The following RHOXF1 variants were observed in gnomAD, a reference collection of about 807,000 sequenced individuals.
The protein encoded by RHOXF1 is PEPP subfamily gene 1.
In RHOXF1, 1 loss-of-function variant was observed where a neutral mutation model predicts 9.7. That is an observed-to-expected ratio of 0.10 (90% CI 0.04 to 0.49). The LOEUF is 0.49. Among genes scored for constraint, RHOXF1 ranks in the 20% least tolerant of loss-of-function variants. The pLI is 0.95. For synonymous variants in RHOXF1, 72 were observed against 70.2 expected (o/e 1.03, Z -0.13); for missense variants, 179 against 168.0 (o/e 1.07, Z -0.36).
In RHOXF1 at chrX:120,115,612, G is replaced by A. The variant is rs781996156; in HGVS notation, c.251C>T (p.Pro84Leu). Residue 84 changes from proline (P) to leucine (L), a missense_variant, in exon 1 of 3, where the codon CCG (proline) becomes CTG (leucine). Transcript: ENST00000217999. ...GGCCGCCTGGGCCGGCTCCTCCGGCGGGGGCTGCGGCTGCTGCCGAGGCTC... is the reference window on the plus strand; with the variant it reads ...GGCCGCCTGGGCCGGCTCCTCCGGCAGGGGCTGCGGCTGCTGCCGAGGCTC... ...NQEPRQQPQP[P>L]PEEPAQAAME... is the part of the protein sequence containing the mutation. The A allele has an allele frequency of 3.4e-6, 4 of 1,165,682 alleles. No homozygotes were observed. The highest frequency in any genetic ancestry group is 2.5e-5 in the Admixed American group (1 of 39,983).
At chrX:120,109,701 C>T (rs1182784929) in intron 2 of RHOXF1, among the ~76,000 whole-genome samples, 1 of 109,586 alleles carries the variant, frequency 9.1e-6, no homozygotes, top group Non-Finnish European at 1.9e-5. Flanking sequence ...ATCCTCCCAC[C>T]TCACCCTCCC....
chrX:120,113,098 C>T (rs2057277826), intron 1 of RHOXF1, among the ~76,000 whole-genome samples, 184 bp from the exon 2 acceptor site: 1 of 111,571 alleles, frequency 9.0e-6, no homozygotes, highest in Admixed American at 9.6e-5. Context: ...ACCCTCATCA[C>T]GAAATTTAAG....
rs2147140106 is a variant in RHOXF1 at position 120,115,879 on chromosome X, C to T, written c.-17G>A. The T allele has an allele frequency of 1.7e-6, 2 of 1,151,188 alleles. No homozygotes were observed. The highest frequency in any genetic ancestry group is 2.3e-6 in the Non-Finnish European group (2 of 871,553). The allele number at this position is 1,151,188 out of a possible 1,213,427, so 94.9% of individuals were successfully genotyped here. Reference sequence around the variant, plus strand: ...ACGCGCCATGGCTGGAGCGCTGCGCCCCTGCACAAACTCCGTGGCGTCTGC... The same window carrying T: ...ACGCGCCATGGCTGGAGCGCTGCGCTCCTGCACAAACTCCGTGGCGTCTGC... On this transcript the variant is annotated 5_prime_UTR_variant, in exon 1 of 3. Coordinates refer to ENST00000217999, the MANE Select transcript of RHOXF1 (RefSeq NM_139282.3).
chrX:120,111,815 A>G (rs1215789396), intron 2 of RHOXF1, among the ~76,000 whole-genome samples: 2 of 111,988 alleles, frequency 1.8e-5, no homozygotes, highest in Non-Finnish European at 3.8e-5. Flanking sequence ...TTTTGACCAT[A>G]TTTCTCTCTA....
At chrX:120,117,027 C>G (rs1340025720), upstream of RHOXF1, among the ~76,000 whole-genome samples, 2 of 111,450 alleles carry the variant, frequency 1.8e-5, no homozygotes, top group African/African-American at 6.5e-5. Context: ...TGTGGGGCCA[C>G]TTCTGCTCCA....
chrX:120,111,874 T>G, intron 2 of RHOXF1, among the ~76,000 whole-genome samples: 1 of 112,297 alleles, frequency 8.9e-6, no homozygotes, highest in Middle Eastern at 4.6e-3. Flanking sequence ...TATTACTCAT[T>G]TTGTTTGCTT....
chrX:120,111,789 G>A (rs1424011091), intron 2 of RHOXF1, among the ~76,000 whole-genome samples: 5 of 111,920 alleles, frequency 4.5e-5, no homozygotes, highest in Non-Finnish European at 3.8e-5. Context: ...TACATGCATA[G>A]TATGTGCAAA....
Position 120,112,496 on chromosome X carries a change from C to CATATATGTGTATTATATATTAT in RHOXF1, c.444+372_444+373insATAATATATAATACACATATAT, listed in dbSNP as rs2057273091. 5.3e-3 allele frequency among the ~76,000 whole-genome samples: 383 copies of CATATATGTGTATTATATATTAT among 72,830 alleles called. 17 individuals are homozygous for CATATATGTGTATTATATATTAT. The highest frequency in any genetic ancestry group is 0.018 in the African/African-American group (338 of 18,515). The allele number at this position is 72,830 out of a possible 115,157, so 63.2% of individuals were successfully genotyped here. A position where few individuals can be genotyped will look rare whatever the true frequency, so the allele number is the denominator to read the frequency against. On this transcript the variant is annotated intron_variant, in intron 2 of 2. Coordinates refer to ENST00000217999, the MANE Select transcript of RHOXF1 (RefSeq NM_139282.3). ...ACACATATATGTGTTATATATAATACACATATATGTATTATATATAATACA... is the reference window on the plus strand; with the variant it reads ...ACACATATATGTGTTATATATAATACATATATGTGTATTATATATTATACATATATGTATTATATATAATACA...
chrX:120,111,338 C>T (rs782446934), intron 2 of RHOXF1, among the ~76,000 whole-genome samples: 4 of 111,808 alleles, frequency 3.6e-5, no homozygotes, highest in Non-Finnish European at 7.5e-5. Flanking sequence ...CATTAGGATG[C>T]CAGCACTCAG....
upstream of RHOXF1, among the ~76,000 whole-genome samples, chrX:120,116,803 GA>G (rs1413197235): frequency 1.8e-5 from 2 of 111,415 alleles, no homozygotes; most frequent in African/African-American, 6.5e-5. Context: ...GAATAAACAC[GA>G]GGCTGAATCT....
Position 120,109,571 on chromosome X carries a change from A to ATTTATTTAT in RHOXF1, c.445-270_445-269insATAAATAAA, listed in dbSNP as rs1555999514. ...CTCCATTTTATTTATTTATTTATTTATTATTTATTTATTTATTTATTTATT... is the reference window on the plus strand; with the variant it reads ...CTCCATTTTATTTATTTATTTATTTATTTATTTATTTATTTATTTATTTATTTATTTATT... On this transcript the variant is annotated intron_variant, in intron 2 of 2. Transcript: ENST00000217999. Among the ~76,000 whole-genome samples the ATTTATTTAT allele has an allele frequency of 5.5e-3, 588 of 107,221 alleles. 7 individuals carry two copies. The highest frequency in any genetic ancestry group is 0.02 in the African/African-American group (567 of 28,932). The allele number at this position is 107,221 out of a possible 115,157, so 93.1% of individuals were successfully genotyped here. A position where few individuals can be genotyped will look rare whatever the true frequency, so the allele number is the denominator to read the frequency against.
upstream of RHOXF1, chrX:120,117,694 T>A (rs987868591): frequency 1.8e-5 from 2 of 111,053 alleles, no homozygotes; most frequent in African/African-American, 6.6e-5. Context: ...CTAAGTGAGA[T>A]CCTTGCGTTC....
intron 1 of RHOXF1, 81 bp downstream of exon 1, chrX:120,115,384 T>G: frequency 4.6e-6 from 4 of 864,161 alleles, no homozygotes; most frequent in Middle Eastern, 3.0e-4. Context: ...TTTTTCCTCA[T>G]GATTGGGTGG....
At chrX:120,117,806 G>C (rs1359705488), upstream of RHOXF1, 1 of 112,316 alleles carries the variant, frequency 8.9e-6, no homozygotes, top group East Asian at 2.8e-4. Context: ...GAGCAGGAAA[G>C]GACTACCAGT....
chrX:120,113,729 G>C (rs1009317700), intron 1 of RHOXF1, among the ~76,000 whole-genome samples: 1 of 108,760 alleles, frequency 9.2e-6, no homozygotes, highest in African/African-American at 3.3e-5. Flanking sequence ...AAAAGCGCTG[G>C]AATTACAGGC....
chrX:120,111,331 T>C (rs1262566035), intron 2 of RHOXF1, among the ~76,000 whole-genome samples: 2 of 111,829 alleles, frequency 1.8e-5, no homozygotes, highest in Non-Finnish European at 3.8e-5. Flanking sequence ...CCTTTGCCAT[T>C]AGGATGCCAG....
At chrX:120,113,997 C>T (rs2057282444) in intron 1 of RHOXF1, among the ~76,000 whole-genome samples, 1 of 109,641 alleles carries the variant, frequency 9.1e-6, no homozygotes. Context: ...ACTCAGGGGG[C>T]TGACACGGGA....
At chrX:120,116,601 G>A (rs931139491), upstream of RHOXF1, 29 of 110,711 alleles carry the variant, frequency 2.6e-4, no homozygotes, top group African/African-American at 8.9e-4. Context: ...CACAGGGCGC[G>A]GGCTATTAAT....
At chrX:120,113,373 C>G (rs2057279264) in intron 1 of RHOXF1, among the ~76,000 whole-genome samples, 1 of 110,683 alleles carries the variant, frequency 9.0e-6, no homozygotes, top group African/African-American at 3.3e-5. Flanking sequence ...AACTCCTGCC[C>G]GTCTCAGCCT....
Sources: allele counts gnomAD v4.1 joint callset (sites outside exome capture counted in the v4.1 genomes callset), GRCh38; gene constraint gnomAD v4.1.1; transcripts MANE v1.5; gene names NCBI Gene and HGNC (gene_info 2026-07-23, HGNC 2026-07-21).